The following TTC1 variants were observed in gnomAD, a reference collection of about 807,000 sequenced individuals.
TTC1 encodes tetratricopeptide repeat domain 1.
A neutral mutation model predicts 37.6 loss-of-function variants in TTC1; 31 were observed. The observed-to-expected ratio is 0.82, with a 90% CI of 0.62 to 1.11. TTC1 has a LOEUF of 1.11. Among genes scored for constraint, TTC1 ranks in the 50% most tolerant of loss-of-function variants. The probability of loss-of-function intolerance (pLI) is 0.00; values close to 1 mark genes in which losing one functional copy is unlikely to be tolerated. For missense variants in TTC1, 351 were observed against 339.0 expected (o/e 1.04, Z -0.28); for synonymous variants, 127 against 122.4 (o/e 1.04, Z -0.25).
chr5:160,044,173 A>C (rs1301210662), intron 5 of TTC1, among the ~76,000 whole-genome samples: 2 of 152,112 alleles, frequency 1.3e-5, no homozygotes, highest in Non-Finnish European at 2.9e-5. Flanking sequence ...ACAATTATAG[A>C]GTGCAAGAGA....
At chr5:160,060,316 A>C (rs10073416) in intron 7 of TTC1, among the ~76,000 whole-genome samples, 1 of 151,628 alleles carries the variant, frequency 6.6e-6, no homozygotes, top group Non-Finnish European at 1.5e-5. Flanking sequence ...TAACAAATCA[A>C]TTGGGTTATG....
chr5:160,043,074 C>A lies in TTC1; in HGVS notation c.505-59C>A. The A allele has an allele frequency of 1.3e-6, 2 of 1,557,558 alleles. 1 individual carries two copies. Among genetic ancestry groups the A allele is most frequent in the South Asian group, 2.3e-5 (2 of 87,118 alleles). ...TTAGTGATCAGATCATGTCATTAAG[C>A]CTTTGGGCCATTAAGATAAAACTAG... On this transcript the variant is annotated intron_variant, in intron 4 of 7. Coordinates refer to ENST00000231238, the MANE Select transcript of TTC1 (RefSeq NM_003314.3).
At chr5:160,039,680 T>C (rs1003081813) in intron 4 of TTC1, among the ~76,000 whole-genome samples, 4 of 152,214 alleles carry the variant, frequency 2.6e-5, no homozygotes, top group Admixed American at 6.5e-5. Flanking sequence ...ACAACAGTTG[T>C]ACACATAAAT....
At chr5:160,027,307 G>A (rs1157617142) in intron 2 of TTC1, among the ~76,000 whole-genome samples, 2 of 152,166 alleles carry the variant, frequency 1.3e-5, no homozygotes, top group African/African-American at 2.4e-5. Context: ...GAAATTACTG[G>A]CAGGAGCCAC....
chr5:160,022,154 A>T (rs1756721712), intron 2 of TTC1, among the ~76,000 whole-genome samples: 1 of 152,192 alleles, frequency 6.6e-6, no homozygotes, highest in South Asian at 2.1e-4. Context: ...TATTTTTTAA[A>T]TGTATTTCAT....
chr5:160,009,817 G>A (rs1476166317), intron 1 of TTC1, among the ~76,000 whole-genome samples: 2 of 152,082 alleles, frequency 1.3e-5, no homozygotes, highest in African/African-American at 2.4e-5. Flanking sequence ...TGTAAGCTGA[G>A]TGGGCTCTAC....
intron 2 of TTC1, among the ~76,000 whole-genome samples, chr5:160,017,497 C>CT (rs1414019046): frequency 1.3e-5 from 2 of 152,160 alleles, no homozygotes; most frequent in African/African-American, 4.8e-5. Flanking sequence ...GGACGCACCT[C>CT]TTAATACCAA....
At position 160,010,892 on chromosome 5, in the gene TTC1, C is replaced by CT. The variant is rs764772599; in HGVS notation, c.330+36dup. 13 of 1,572,406 alleles carry CT rather than the reference C, an allele frequency of 8.3e-6. No homozygotes were observed. The East Asian group carries it at 2.9e-4, about 35-fold the overall frequency. On this transcript the variant is annotated intron_variant, in intron 2 of 7. Coordinates refer to ENST00000231238, the MANE Select transcript of TTC1 (RefSeq NM_003314.3). Reference sequence around the variant, plus strand: ...TTTATTTATTGTGCAAGATCTGCCACTTACACTGCATTTTAAAATGTGGTC... The same window carrying CT: ...TTTATTTATTGTGCAAGATCTGCCACTTTACACTGCATTTTAAAATGTGGTC...
chr5:160,034,396 C>T (rs1202214661), intron 2 of TTC1, among the ~76,000 whole-genome samples: 1 of 152,078 alleles, frequency 6.6e-6, no homozygotes, highest in Non-Finnish European at 1.5e-5. Context: ...TTTGAATAAG[C>T]TAAGAAAAGA....
rs1452084685 is a variant in TTC1, at chr5:160,019,670, C to T, written c.330+8812C>T. ...CGGTGCGATCTCTGCTCACTGCAAC[C>T]TCCGCCTCCCGGATTCAAGCGATTC... On this transcript the variant is annotated intron_variant, in intron 2 of 7. Transcript: ENST00000231238. Among the ~76,000 whole-genome samples, 3 of 150,604 alleles carry T rather than the reference C, an allele frequency of 2.0e-5. No homozygotes were observed. In the East Asian group the frequency reaches 5.8e-4, roughly 29 times the overall value.
chr5:160,021,152 T>C (rs146856116), intron 2 of TTC1, among the ~76,000 whole-genome samples: 3 of 152,350 alleles, frequency 2.0e-5, no homozygotes, highest in East Asian at 1.9e-4. Flanking sequence ...GTATTAACCA[T>C]GCACAGCCTG....
intron 2 of TTC1, among the ~76,000 whole-genome samples, chr5:160,023,155 C>A (rs1456787261): frequency 2.6e-5 from 4 of 151,732 alleles, no homozygotes; most frequent in Non-Finnish European, 5.9e-5. Context: ...ACTCAGGAGG[C>A]TGAGGCAGGA....
rs1252703671 is a variant in TTC1 at position 160,010,804 on chromosome 5, A to G, written c.276A>G (p.Leu92=). The G allele has an allele frequency of 1.2e-6, 2 of 1,614,248 alleles. No individual in the cohort carries two copies. Among genetic ancestry groups the G allele is most frequent in the Admixed American group, 1.7e-5 (1 of 60,028 alleles). ...ATGAAGATGTGAATTCCTCTGAACT[A>G]GATGAAGAATACCTAATAGAACTGG... The part of the protein sequence containing the change: ...KSNEDVNSSE[L]DEEYLIELEK... Residue 92 remains leucine, a synonymous_variant, in exon 2 of 8, where the codon CTA becomes CTG. Transcript: ENST00000231238.
chr5:160,039,486 C>T (rs1183206500), intron 4 of TTC1, among the ~76,000 whole-genome samples: 2 of 151,214 alleles, frequency 1.3e-5, no homozygotes, highest in Non-Finnish European at 2.9e-5. Flanking sequence ...TTCCCACACA[C>T]TCCACTTTGG....
chr5:160,029,426 G>T (rs1175896388), intron 2 of TTC1, among the ~76,000 whole-genome samples: 1 of 148,254 alleles, frequency 6.7e-6, no homozygotes, highest in African/African-American at 2.5e-5. Flanking sequence ...AGGATCACTT[G>T]AGCCCAGGAG....
In TTC1 at chr5:160,065,044, A is replaced by G; in HGVS notation, c.858A>G (p.Gln286=). 1 of 1,611,512 alleles carries G rather than the reference A, an allele frequency of 6.2e-7. No individual in the cohort carries two copies. Among genetic ancestry groups the G allele is most frequent in the South Asian group, 1.1e-5 (1 of 90,256 alleles). The change falls in exon 8 of 8, where the codon CAA becomes CAG. Residue 286 remains glutamine, a synonymous_variant. Transcript: ENST00000231238. ...GCTCGTACTCCATCAATTTCGTTCA[A>G]AATCCAAATAATAACAGATAACAAA... ...STGSYSINFV[Q]NPNNNR
chr5:160,028,640 A>C (rs941736486), intron 2 of TTC1, among the ~76,000 whole-genome samples: 2 of 151,932 alleles, frequency 1.3e-5, no homozygotes, highest in East Asian at 3.9e-4. Context: ...CACATGGCTA[A>C]TTTTTTTGGC....
intron 4 of TTC1, among the ~76,000 whole-genome samples, chr5:160,041,776 TAC>T (rs1757099540): frequency 6.6e-6 from 1 of 152,222 alleles, no homozygotes; most frequent in Admixed American, 6.5e-5. Flanking sequence ...TACTGTTTTA[TAC>T]ACAGTCTATC....
chr5:160,037,996 T>G (rs1442606961), intron 4 of TTC1, among the ~76,000 whole-genome samples: 1 of 151,822 alleles, frequency 6.6e-6, no homozygotes, highest in African/African-American at 2.4e-5. Context: ...GGTGACAAGG[T>G]TTTTTTTGTT....
Sources: allele counts gnomAD v4.1 joint callset (sites outside exome capture counted in the v4.1 genomes callset), GRCh38; gene constraint gnomAD v4.1.1; transcripts MANE v1.5; gene names NCBI Gene and HGNC (gene_info 2026-07-23, HGNC 2026-07-21).